NAV1: variants seen among roughly 807,000 people sequenced by gnomAD.
NAV1 encodes the protein pore membrane and/or filament interacting like protein 3.
NAV1 carries 18 observed loss-of-function variants against 175.2 expected under a neutral mutation model. The ratio of observed to expected loss-of-function variants is 0.10; its 90% CI spans 0.07 to 0.15. The LOEUF (loss-of-function observed/expected upper bound fraction) is 0.15. Among genes scored for constraint, NAV1 ranks in the 10% least tolerant of loss-of-function variants. NAV1 has a pLI of 1.00. For missense variants in NAV1, 1,731 were observed against 2,436.6 expected (o/e 0.71, Z 6.10); for synonymous variants, 897 against 978.7 (o/e 0.92, Z 1.56).
intron 15 of NAV1, chr1:201,796,221 C>G (rs957429564): frequency 1.3e-5 from 2 of 152,092 alleles, no homozygotes; most frequent in Admixed American, 6.5e-5. Context: ...TATGGTAACT[C>G]TATGTTTGAC....
At chr1:201,615,917 C>A (rs1273126803) in intron 2 of NAV1, among the ~76,000 whole-genome samples, 2 of 152,174 alleles carry the variant, frequency 1.3e-5, no homozygotes, top group Non-Finnish European at 2.9e-5. Context: ...GTGTTCTTAT[C>A]CTCTTCTGCT....
rs1267465895 is a variant in NAV1, at chr1:201,790,596, G to C, written c.3243+19G>C. 1 of 1,614,036 alleles carries C rather than the reference G, an allele frequency of 6.2e-7. No individual in the cohort carries two copies. The highest frequency in any genetic ancestry group is 8.5e-7 in the Non-Finnish European group (1 of 1,180,004). ...ATCTGAGGTAGGGTGGAAAGCCTTT[G>C]TCTCTGCTTGTTAACATCACTGCAC... On this transcript the variant is annotated intron_variant, in intron 12 of 29. Coordinates refer to ENST00000367296, the Ensembl canonical transcript of NAV1.
exon 7 of NAV1, chr1:201,783,561 C>A: frequency 6.2e-7 from 1 of 1,614,188 alleles, no homozygotes; most frequent in Non-Finnish European, 8.5e-7. Context: ...GGCCCTCTCC[C>A]TTCCTGCTTC....
rs7532945 is a variant in NAV1 at position 201,592,891 on chromosome 1, C to G, written c.-33+4242C>G. 5.3e-5 allele frequency among the ~76,000 whole-genome samples: 8 copies of G among 151,974 alleles called. No individual in the cohort carries two copies. In the South Asian group the frequency reaches 1.7e-3, roughly 32 times the overall value. On this transcript the variant is annotated intron_variant, in intron 2 of 33. Coordinates refer to the NAV1 transcript ENST00000685211. ...GTCCAGGGAGGATTGGGATGCGGTTCGTGGCCCTCTCCTATCACTCTCAGA... is the reference window on the plus strand; with the variant it reads ...GTCCAGGGAGGATTGGGATGCGGTTGGTGGCCCTCTCCTATCACTCTCAGA...
At chr1:201,548,104 T>A (rs1006888406) in intron 1 of NAV1, among the ~76,000 whole-genome samples, 1 of 152,232 alleles carries the variant, frequency 6.6e-6, no homozygotes, top group Non-Finnish European at 1.5e-5. Context: ...CTAGGTCTTA[T>A]GAGGTGTTAG....
intron 3 of NAV1, among the ~76,000 whole-genome samples, chr1:201,767,464 A>T (rs906377471): frequency 1.8e-4 from 27 of 152,098 alleles, no homozygotes; most frequent in African/African-American, 6.5e-4. Flanking sequence ...AAAAATAAAA[A>T]TAAAAATAAA....
At chr1:201,790,271 C>G (rs745466165) in intron 11 of NAV1, among the ~76,000 whole-genome samples, 1 of 152,166 alleles carries the variant, frequency 6.6e-6, no homozygotes, top group Non-Finnish European at 1.5e-5. Flanking sequence ...TGGCAATAAC[C>G]GTTAGTTCTC....
intron 3 of NAV1, among the ~76,000 whole-genome samples, chr1:201,734,099 G>GT (rs1451450338): frequency 1.3e-5 from 2 of 152,052 alleles, no homozygotes; most frequent in African/African-American, 4.8e-5. Context: ...TGGGGAGAAG[G>GT]TTTTGAGGAT....
chr1:201,809,578 C>A, intron 22 of NAV1, 41 bp downstream of exon 26: 1 of 1,568,300 alleles, frequency 6.4e-7, no homozygotes, highest in South Asian at 1.1e-5. Context: ...TTCATCCTCT[C>A]GTGGAATATA....
intron 1 of NAV1, among the ~76,000 whole-genome samples, chr1:201,548,043 C>T (rs1054949769): frequency 3.3e-5 from 5 of 152,202 alleles, no homozygotes; most frequent in Admixed American, 2.0e-4. Context: ...CTACCCACCT[C>T]GCCCTCCCAA....
At chr1:201,821,769 T>A (rs1192771796) in exon 30 of NAV1, 1 of 152,182 alleles carries the variant, frequency 6.6e-6, no homozygotes, top group Non-Finnish European at 1.5e-5. Flanking sequence ...ATCTTGCTTG[T>A]CAGGAATGGG....
chr1:201,823,198 A>C (rs757467036), exon 30 of NAV1: 1 of 152,628 alleles, frequency 6.6e-6, no homozygotes, highest in Non-Finnish European at 1.5e-5. Context: ...ATGTCAACCA[A>C]TGGGGAGAGC....
chr1:201,750,299 G>T lies in NAV1; in HGVS notation c.1227-30122G>T, dbSNP rs1208563313. Among the ~76,000 whole-genome samples, 1 of 152,160 alleles carries T rather than the reference G, an allele frequency of 6.6e-6. No homozygotes were observed. Among genetic ancestry groups the T allele is most frequent in the Admixed American group, 6.5e-5 (1 of 15,286 alleles). ...CCAAAGCAGAAAAACACCCATTTGC[G>T]TGGATGACTTGGTGCATCAGTGATA... On this transcript the variant is annotated intron_variant, in intron 3 of 29. Transcript: ENST00000367296. The surrounding 1 kb of genome is among the most constrained non-coding windows in gnomAD (Gnocchi z 4.1).
intron 3 of NAV1, among the ~76,000 whole-genome samples, chr1:201,777,546 A>C (rs1391791914): frequency 7.1e-6 from 1 of 140,534 alleles, no homozygotes; most frequent in Non-Finnish European, 1.5e-5. Context: ...TTTTGCACCC[A>C]GCCTTTTTTT....
intron 3 of NAV1, among the ~76,000 whole-genome samples, chr1:201,745,969 C>T (rs1445289079): frequency 6.6e-6 from 1 of 151,824 alleles, no homozygotes; most frequent in Non-Finnish European, 1.5e-5. Context: ...GCAGCTGGGA[C>T]TGCAGGTGCA....
chr1:201,706,588 A>G (rs933914832), intron 1 of NAV1, among the ~76,000 whole-genome samples: 5 of 152,186 alleles, frequency 3.3e-5, no homozygotes, highest in Admixed American at 3.3e-4. Flanking sequence ...CCGTGTACAA[A>G]ATGAGATCCT....
chr1:201,770,782 C>T (rs1675523427), intron 3 of NAV1, among the ~76,000 whole-genome samples: 1 of 152,112 alleles, frequency 6.6e-6, no homozygotes, highest in South Asian at 2.1e-4. Flanking sequence ...CCCACCTACC[C>T]CTAAATCGTT....
At chr1:201,821,689 G>T (rs1282496393) in exon 30 of NAV1, 1 of 152,182 alleles carries the variant, frequency 6.6e-6, no homozygotes. Flanking sequence ...AGAAGCTTTT[G>T]ATTAGATGTA....
At chr1:201,720,056 C>T (rs1218804375) in intron 3 of NAV1, among the ~76,000 whole-genome samples, 2 of 152,230 alleles carry the variant, frequency 1.3e-5, no homozygotes, top group African/African-American at 2.4e-5. Context: ...CCCAACCTCG[C>T]GCTCACGCTC....
Sources: allele counts gnomAD v4.1 joint callset (sites outside exome capture counted in the v4.1 genomes callset), GRCh38; gene constraint gnomAD v4.1.1; non-coding constraint Gnocchi (gnomAD v3.1); transcripts MANE v1.5; gene names NCBI Gene and HGNC (gene_info 2026-07-23, HGNC 2026-07-21).